The following ASIC2 variants were observed in gnomAD, a reference collection of about 807,000 sequenced individuals.
The protein encoded by ASIC2 is acid sensing ion channel subunit 2.
In ASIC2, 25 loss-of-function variants were observed where a neutral mutation model predicts 57.3. The observed-to-expected ratio is 0.44, with a 90% CI of 0.32 to 0.61. The LOEUF is 0.61. Ranked by LOEUF, ASIC2 falls within the 20% of genes least tolerant of loss-of-function variation. The pLI is 0.06. For missense variants in ASIC2, 641 were observed against 738.1 expected (o/e 0.87, Z 1.52); for synonymous variants, 319 against 307.5 (o/e 1.04, Z -0.39).
Position 33,401,545 on chromosome 17 carries a change from C to G in ASIC2, c.556-289478G>C, listed in dbSNP as rs985727345. ...CTGGATAGATGTGATGGAATACAAC[C>G]TCAGCTCTAACTCTGCAAGTTTCTC... On this transcript the variant is annotated intron_variant, in intron 1 of 9. Transcript: ENST00000359872. Among the ~76,000 whole-genome samples the G allele has an allele frequency of 2.0e-5, 3 of 152,180 alleles. No individual in the cohort carries two copies. In the East Asian group the frequency reaches 5.8e-4, roughly 29 times the overall value.
intron 1 of ASIC2, among the ~76,000 whole-genome samples, chr17:34,114,699 T>C (rs544985607): frequency 6.6e-6 from 1 of 152,258 alleles, no homozygotes; most frequent in Admixed American, 6.5e-5. Flanking sequence ...TTAAGTGTTA[T>C]CCTGAGAAGT....
At chr17:33,527,533 G>C (rs1233659851) in intron 1 of ASIC2, among the ~76,000 whole-genome samples, 1 of 152,122 alleles carries the variant, frequency 6.6e-6, no homozygotes, top group Non-Finnish European at 1.5e-5. Context: ...GACCAGGAGT[G>C]GGGTGTTGTG....
At chr17:33,457,130 A>C (rs868389989) in intron 1 of ASIC2, among the ~76,000 whole-genome samples, 4 of 152,228 alleles carry the variant, frequency 2.6e-5, no homozygotes, top group Admixed American at 2.6e-4. Flanking sequence ...AGGAGTATAT[A>C]AAGTACTTAG....
chr17:33,410,644 T>G (rs1354491), intron 1 of ASIC2, among the ~76,000 whole-genome samples: 4 of 151,898 alleles, frequency 2.6e-5, no homozygotes, highest in African/African-American at 9.7e-5. Context: ...GTGCCCATTC[T>G]TCTCCCCATC....
In ASIC2 at chr17:34,115,673, A is replaced by G. The variant is rs74971505; in HGVS notation, c.555+40305T>C. Among the ~76,000 whole-genome samples the G allele has an allele frequency of 7.7e-3, 1,168 of 152,224 alleles. 13 individuals carry two copies. The highest frequency in any genetic ancestry group is 0.026 in the African/African-American group (1,094 of 41,546). ...AGGCCGAACATTTTCAATTCCTCCA[A>G]ATATTCCTCATATGGCTTTGTTCCT... On this transcript the variant is annotated intron_variant, in intron 1 of 9. Transcript: ENST00000359872.
intron 1 of ASIC2, among the ~76,000 whole-genome samples, chr17:33,580,958 T>C (rs1420257300): frequency 6.6e-6 from 1 of 152,212 alleles, no homozygotes; most frequent in African/African-American, 2.4e-5. Context: ...ATTTTTAAAA[T>C]GTCCCCATCC....
intron 1 of ASIC2, among the ~76,000 whole-genome samples, chr17:33,239,227 G>A (rs1908412762): frequency 6.6e-6 from 1 of 151,980 alleles, no homozygotes; most frequent in South Asian, 2.1e-4. Context: ...GGAGGCGGAG[G>A]TTGCAGTCAG....
intron 1 of ASIC2, among the ~76,000 whole-genome samples, chr17:33,354,216 G>T (rs146848842): frequency 4.2e-4 from 64 of 152,174 alleles, no homozygotes; most frequent in African/African-American, 1.5e-3. Context: ...ATGACATTTG[G>T]CTGGGGACAC....
chr17:34,084,019 T>C (rs1457427071), intron 1 of ASIC2, among the ~76,000 whole-genome samples: 2 of 152,090 alleles, frequency 1.3e-5, no homozygotes, highest in Non-Finnish European at 2.9e-5. Flanking sequence ...AGAAGCTCTT[T>C]AGTTTAATTA....
chr17:33,782,852 C>T (rs547203542), intron 1 of ASIC2, among the ~76,000 whole-genome samples: 4 of 152,322 alleles, frequency 2.6e-5, no homozygotes, highest in South Asian at 4.1e-4. Context: ...TCTCAGGCTC[C>T]GGCCAGCCCC....
In ASIC2 at chr17:33,427,828, T is replaced by A. The variant is rs572601831; in HGVS notation, c.556-315761A>T. On this transcript the variant is annotated intron_variant, in intron 1 of 9. Transcript: ENST00000359872. ...GTCCCTCCTATACTGAATATGACTA[T>A]CCTATGTAACCAAGAGGACATTGTG... Among the ~76,000 whole-genome samples, 8 of 152,260 alleles carry A rather than the reference T, an allele frequency of 5.3e-5. No individual in the cohort carries two copies. In the South Asian group the frequency reaches 1.7e-3, roughly 32 times the overall value.
chr17:34,009,080 T>TGTAATCCTG (rs1906625359), intron 1 of ASIC2, among the ~76,000 whole-genome samples: 1 of 152,188 alleles, frequency 6.6e-6, no homozygotes, highest in Non-Finnish European at 1.5e-5. Context: ...GTCCACCTTT[T>TGTAATCCTG]TTTTTTTCCC....
chr17:33,154,523 T>A (rs1465019152), intron 1 of ASIC2, among the ~76,000 whole-genome samples: 1 of 152,222 alleles, frequency 6.6e-6, no homozygotes, highest in Non-Finnish European at 1.5e-5. Context: ...GTATTAGCCC[T>A]AGGAAATTAG....
intron 1 of ASIC2, among the ~76,000 whole-genome samples, chr17:33,125,545 A>G (rs929586780): frequency 2.6e-5 from 4 of 152,254 alleles, no homozygotes; most frequent in African/African-American, 2.4e-5. Context: ...CAACTATTAC[A>G]TGTCAAACAC....
intron 1 of ASIC2, among the ~76,000 whole-genome samples, chr17:34,008,015 A>C (rs924582487): frequency 2.0e-5 from 3 of 152,180 alleles, no homozygotes; most frequent in Non-Finnish European, 4.4e-5. Context: ...GTAAATCATT[A>C]GTTCTTCCTT....
intron 1 of ASIC2, among the ~76,000 whole-genome samples, chr17:34,097,411 GTGGGT>G (rs1242232970): frequency 2.0e-5 from 3 of 152,168 alleles, no homozygotes; most frequent in Non-Finnish European, 4.4e-5. Flanking sequence ...TCTACATGTT[GTGGGT>G]TGAATAGAGT....
intron 1 of ASIC2, among the ~76,000 whole-genome samples, chr17:33,559,469 T>A (rs578015808): frequency 1.3e-5 from 2 of 151,944 alleles, no homozygotes; most frequent in South Asian, 2.1e-4. Context: ...AAAAATGAGA[T>A]CTCACTTCAT....
chr17:33,556,411 A>G (rs899044921), intron 1 of ASIC2, among the ~76,000 whole-genome samples: 2 of 152,186 alleles, frequency 1.3e-5, no homozygotes, highest in Non-Finnish European at 2.9e-5. Context: ...CACGTGGGAA[A>G]ATCTGAGAGC....
chr17:33,939,192 T>C (rs1056738111), intron 1 of ASIC2, among the ~76,000 whole-genome samples: 1 of 152,248 alleles, frequency 6.6e-6, no homozygotes, highest in South Asian at 2.1e-4. Context: ...ATAAGCTTCC[T>C]TAAATATCAC....
Sources: allele counts gnomAD v4.1 joint callset (sites outside exome capture counted in the v4.1 genomes callset), GRCh38; gene constraint gnomAD v4.1.1; transcripts MANE v1.5; gene names NCBI Gene and HGNC (gene_info 2026-07-23, HGNC 2026-07-21).